Variants in MTUS2 observed in about 807,000 individuals in gnomAD.
MTUS2 encodes microtubule associated scaffold protein 2, also known as microtubule-associated tumor suppressor candidate 2.
Under a neutral mutation model 114.1 loss-of-function variants are expected in MTUS2, and 40 were observed. That is an observed-to-expected ratio of 0.35 (90% CI 0.27 to 0.46). The LOEUF (loss-of-function observed/expected upper bound fraction) is 0.46, where lower values mean the gene tolerates loss of function less well. MTUS2 is among the 20% of genes least tolerant of loss of function. The pLI, the probability that MTUS2 is intolerant of heterozygous loss-of-function variation, is 1.00. For synonymous variants in MTUS2, 688 were observed against 672.0 expected (o/e 1.02, Z -0.37); for missense variants, 1,679 against 1,705.4 (o/e 0.98, Z 0.27).
chr13:29,302,892 G>C (rs536733135), intron 6 of MTUS2, among the ~76,000 whole-genome samples: 1 of 152,208 alleles, frequency 6.6e-6, no homozygotes, highest in African/African-American at 2.4e-5. Flanking sequence ...CCTCCTACAG[G>C]TACATGAAGG....
intron 2 of MTUS2, among the ~76,000 whole-genome samples, chr13:28,974,673 C>T (rs1019598783): frequency 1.7e-4 from 26 of 152,258 alleles, no homozygotes; most frequent in African/African-American, 5.3e-4. Context: ...CATACAGCTC[C>T]TGTTCCTTTA....
Position 29,496,725 on chromosome 13 carries a change from G to A in MTUS2, c.3580-513G>A, listed in dbSNP as rs1374287078. 6.6e-6 allele frequency among the ~76,000 whole-genome samples: 1 copy of A among 152,182 alleles called. No homozygotes were observed. The highest frequency in any genetic ancestry group is 1.5e-5 in the Non-Finnish European group (1 of 68,036). ...CTGTGGGTTCTAGGGACATTCAGGA[G>A]GCAGGATGGCAGGAGTTGATTATGG... is the stretch of plus-strand genomic sequence containing the variant. On this transcript the variant is annotated intron_variant, in intron 12 of 15. Coordinates refer to ENST00000612955, the MANE Select transcript of MTUS2 (RefSeq NM_001033602.4). This position sits in a 1 kb window ranked among gnomAD's most constrained non-coding sequence, Gnocchi z 4.3.
intron 4 of MTUS2, among the ~76,000 whole-genome samples, chr13:29,086,810 G>C (rs969823374): frequency 6.6e-6 from 1 of 151,956 alleles, no homozygotes; most frequent in Admixed American, 6.6e-5. Context: ...GCAATGTTTT[G>C]CAGTTTTTGT....
chr13:29,162,364 A>G (rs1164721605), intron 5 of MTUS2, among the ~76,000 whole-genome samples: 1 of 152,200 alleles, frequency 6.6e-6, no homozygotes, highest in African/African-American at 2.4e-5. Context: ...TCTTGGTTCT[A>G]GAATGTAATT....
chr13:29,192,827 G>A (rs1177591942), intron 5 of MTUS2, among the ~76,000 whole-genome samples: 1 of 152,084 alleles, frequency 6.6e-6, no homozygotes, highest in Non-Finnish European at 1.5e-5. Flanking sequence ...GTCTTCCAAG[G>A]CCACGATCAG....
At chr13:28,971,163 T>G (rs935825664) in intron 2 of MTUS2, among the ~76,000 whole-genome samples, 4 of 152,224 alleles carry the variant, frequency 2.6e-5, no homozygotes, top group Non-Finnish European at 4.4e-5. Flanking sequence ...GAAAGCTTCT[T>G]CATTTCAGTC....
intron 5 of MTUS2, among the ~76,000 whole-genome samples, chr13:29,180,954 T>G (rs567121027): frequency 2.6e-4 from 40 of 152,366 alleles, no homozygotes; most frequent in African/African-American, 9.1e-4. Flanking sequence ...TATGTCCATT[T>G]GATTTTAAGT....
intron 9 of MTUS2, among the ~76,000 whole-genome samples, chr13:29,463,996 A>G (rs1879708891): frequency 1.7e-5 from 2 of 117,680 alleles, no homozygotes; most frequent in Admixed American, 1.5e-4. Context: ...GTGTCTCAAA[A>G]GAAAAGAAAA....
At chr13:28,885,048 A>G (rs905838675) in intron 2 of MTUS2, among the ~76,000 whole-genome samples, 19 of 152,170 alleles carry the variant, frequency 1.2e-4, no homozygotes, top group Admixed American at 1.2e-3. Flanking sequence ...ATCATCAATC[A>G]TTTTGACTCC....
chr13:29,003,864 C>G (rs927492045), intron 2 of MTUS2, among the ~76,000 whole-genome samples: 1 of 152,178 alleles, frequency 6.6e-6, no homozygotes, highest in Non-Finnish European at 1.5e-5. Context: ...CTCTTTGTTG[C>G]AGCTGCTGCT....
chr13:29,056,950 T>C (rs757647550), intron 4 of MTUS2, among the ~76,000 whole-genome samples: 18 of 152,146 alleles, frequency 1.2e-4, no homozygotes, highest in African/African-American at 3.8e-4. Flanking sequence ...TCTTTAGCAC[T>C]GTACATTTCC....
chr13:29,205,710 T>A (rs1012188495), intron 5 of MTUS2, among the ~76,000 whole-genome samples: 54 of 152,260 alleles, frequency 3.5e-4, no homozygotes, highest in African/African-American at 1.2e-3. Flanking sequence ...GTCTCCAACT[T>A]CACCTAGGTT....
chr13:28,911,612 C>G (rs1218601026), intron 2 of MTUS2, among the ~76,000 whole-genome samples: 4 of 152,116 alleles, frequency 2.6e-5, no homozygotes, highest in African/African-American at 7.2e-5. Context: ...CTAATCTACA[C>G]TCCCATCTAC....
chr13:28,841,529 G>A (rs1043058097), intron 2 of MTUS2, among the ~76,000 whole-genome samples: 8 of 152,084 alleles, frequency 5.3e-5, no homozygotes, highest in African/African-American at 1.9e-4. Context: ...GATGACATGT[G>A]GAAAAGATGC....
chr13:28,972,006 G>T (rs1420719970), intron 2 of MTUS2, among the ~76,000 whole-genome samples: 1 of 152,236 alleles, frequency 6.6e-6, no homozygotes, highest in African/African-American at 2.4e-5. Context: ...ACAAACATAT[G>T]ATTTATGGCT....
At chr13:29,152,963 A>G (rs1217639773) in intron 5 of MTUS2, among the ~76,000 whole-genome samples, 3 of 152,004 alleles carry the variant, frequency 2.0e-5, no homozygotes, top group Non-Finnish European at 2.9e-5. Flanking sequence ...GATTTTTTCT[A>G]TTTTCTTTTC....
At chr13:29,413,332 AC>A (rs1875407860) in intron 8 of MTUS2, among the ~76,000 whole-genome samples, 1 of 152,074 alleles carries the variant, frequency 6.6e-6, no homozygotes, top group African/African-American at 2.4e-5. Flanking sequence ...TAAACGTTAG[AC>A]CTAAAACCAT....
intron 6 of MTUS2, 103 bp from the exon 7 acceptor site, chr13:29,324,510 A>G (rs1900397070): frequency 1.3e-6 from 1 of 748,722 alleles, no homozygotes; most frequent in Non-Finnish European, 2.2e-6. Context: ...TCTTTTGTTG[A>G]TATGTTTGAC....
chr13:28,920,995 G>C (rs1213800236), intron 2 of MTUS2, among the ~76,000 whole-genome samples: 3 of 152,206 alleles, frequency 2.0e-5, no homozygotes, highest in South Asian at 2.1e-4. Flanking sequence ...GCTGACCAAG[G>C]GCCTAGGCCT....
Sources: gnomAD v4.1 joint callset for allele counts (sites outside exome capture counted in the v4.1 genomes callset) on GRCh38, gnomAD v4.1.1 for gene constraint, Gnocchi (gnomAD v3.1) non-coding constraint, MANE v1.5 for transcripts, NCBI Gene and HGNC (gene_info 2026-07-23, HGNC 2026-07-21) for gene names.